Variants in CELSR2 observed in about 807,000 individuals in gnomAD.
CELSR2 encodes the protein EGF-like protein 2.
CELSR2 carries 81 observed loss-of-function variants against 251.6 expected under a neutral mutation model. That is an observed-to-expected ratio of 0.32 (90% confidence interval 0.27 to 0.39). CELSR2 has a LOEUF of 0.39. CELSR2 is among the 10% of genes least tolerant of loss of function. The pLI, the probability that CELSR2 is intolerant of heterozygous loss-of-function variation, is 1.00. For missense variants in CELSR2, 3,365 were observed against 3,947.7 expected (o/e 0.85, Z 3.96); for synonymous variants, 1,721 against 1,670.5 (o/e 1.03, Z -0.74).
chr1:109,268,386 G>A (rs1656266191), intron 17 of CELSR2, among the ~76,000 whole-genome samples, 195 bp from the exon 18 acceptor site: 1 of 152,246 alleles, frequency 6.6e-6, no homozygotes, highest in African/African-American at 2.4e-5. Context: ...GAATGAGGAG[G>A]AGGGCTTAGG....
At chr1:109,270,729 G>A in intron 24 of CELSR2, 129 bp downstream of exon 24, 2 of 1,256,274 alleles carry the variant, frequency 1.6e-6, no homozygotes, top group Non-Finnish European at 2.2e-6. Context: ...ATTCACAGGT[G>A]TCCCTCTGGT....
rs562893696 is a variant in CELSR2 at position 109,261,125 on chromosome 1, G to A, written c.4042G>A (p.Val1348Met). ...KNGGTCVNLL[V>M]GGFKCDCPSG... ...TGGGGGCACCTGTGTCAACCTGCTGGTGGGCGGTTTCAAGTGCGATTGCCC... is the reference window on the plus strand; with the variant it reads ...TGGGGGCACCTGTGTCAACCTGCTGATGGGCGGTTTCAAGTGCGATTGCCC... The change falls in exon 3 of 34, where the codon GTG (valine) becomes ATG (methionine). Residue 1348 changes from valine to methionine, a missense_variant. Val to Met is a conservative substitution (Grantham distance 21). Transcript: ENST00000271332. This position sits in a 1 kb window ranked among gnomAD's most constrained non-coding sequence, Gnocchi z 4.8. 32 of 1,614,156 alleles carry A rather than the reference G, an allele frequency of 2.0e-5. 1 individual carries two copies. The African/African-American group carries it at 3.9e-4, about 19-fold the overall frequency.
chr1:109,260,183 GA>G (rs1314017984), intron 2 of CELSR2, among the ~76,000 whole-genome samples: 78 of 133,576 alleles, frequency 5.8e-4, no homozygotes, highest in East Asian at 2.7e-3. Context: ...GGGGGGTTGG[GA>G]GGGGGGGGGT....
In CELSR2 at chr1:109,269,995, C is replaced by T. The variant is rs1387449528; in HGVS notation, c.7170C>T (p.Ala2390=). 1 of 1,613,992 alleles carries T rather than the reference C, an allele frequency of 6.2e-7. No individual in the cohort carries two copies. Among genetic ancestry groups the T allele is most frequent in the African/African-American group, 1.3e-5 (1 of 74,894 alleles). ...TGGCTCTAGGTGTCACCTTGGCTGC[C>T]CTTCTGCTCACCTTCTTCTTCCTCA... ...TYVALGVTLA[A]LLLTFFFLTL... Residue 2390 remains alanine (A), a synonymous_variant, in exon 23 of 34, where the codon GCC becomes GCT. Transcript: ENST00000271332. This position sits in a 1 kb window ranked among gnomAD's most constrained non-coding sequence, Gnocchi z 6.4.
chr1:109,273,449 G>T lies in CELSR2; in HGVS notation c.8523G>T (p.Lys2841Asn). 1.2e-6 allele frequency: 2 copies of T among 1,612,290 alleles called. No individual in the cohort carries two copies. Among genetic ancestry groups the T allele is most frequent in the East Asian group, 2.2e-5 (1 of 44,748 alleles). The change falls in exon 33 of 34, where the codon AAG (lysine) becomes AAT (asparagine). Residue 2841 changes from lysine to asparagine, a missense_variant. By Grantham distance (94) the Lys-to-Asn change is moderately conservative. Around this residue, in one of 5 missense-constraint regions of CELSR2, gnomAD observed 2,093 missense variants for 2,382.8 expected, o/e 0.88. Coordinates refer to ENST00000271332, the MANE Select transcript of CELSR2 (RefSeq NM_001408.3). Reference protein sequence around the residue: ...SAQPHKGILKKKCLPTISEKS... With the variant: ...SAQPHKGILKNKCLPTISEKS... The stretch of plus-strand genomic sequence containing the variant: ...CCCGGCCCACAGGCATCCTTAAGAA[G>T]AAGTGTCTGCCCACCATCAGCGAGA...
chr1:109,262,188 G>A, intron 5 of CELSR2, 99 bp from the exon 6 acceptor site: 1 of 1,502,126 alleles, frequency 6.7e-7, no homozygotes, highest in Non-Finnish European at 9.0e-7. Flanking sequence ...CGTGTGTCTG[G>A]GCATGTGGGT....
In CELSR2 at chr1:109,264,176, C is replaced by A; in HGVS notation, c.5100C>A (p.His1700Gln). The change falls in exon 10 of 34, where the codon CAC becomes CAA. Residue 1700 changes from histidine (H) to glutamine (Q), a missense_variant. This residue lies in a region of CELSR2 where 2,093 missense variants were observed against 2,382.8 expected (regional missense o/e 0.88). Coordinates refer to ENST00000271332, the MANE Select transcript of CELSR2 (RefSeq NM_001408.3). ...EPGRANDGDW[H>Q]HAQLALGASG... is the part of the protein sequence containing the mutation. ...GCCGGGCCAATGACGGTGACTGGCA[C>A]CATGCACAGCTGGCACTGGGAGCCA... 2 of 1,612,790 alleles carry A rather than the reference C, an allele frequency of 1.2e-6. No individual in the cohort carries two copies. Among genetic ancestry groups the A allele is most frequent in the Non-Finnish European group, 1.7e-6 (2 of 1,179,498 alleles).
At chr1:109,271,814 C>T in intron 28 of CELSR2, 92 bp downstream of exon 28, 7 of 1,465,996 alleles carry the variant, frequency 4.8e-6, no homozygotes, top group Non-Finnish European at 6.5e-6. Context: ...TCCCCTTTCT[C>T]TTTTCTCCAT....
intron 2 of CELSR2, among the ~76,000 whole-genome samples, chr1:109,260,204 C>A (rs537936533): frequency 6.7e-6 from 1 of 149,708 alleles, no homozygotes; most frequent in South Asian, 2.1e-4. Context: ...TTAGAGCAGG[C>A]GAACAACAGT....
rs137939915 is a variant in CELSR2 at position 109,266,485 on chromosome 1, C to T, written c.6013+279C>T. ...CTGGTGTGCAGTGGCGTGATCTCCG[C>T]TCGCTGCAACCTCTGCCTCCCAGGT... On this transcript the variant is annotated intron_variant, in intron 15 of 33. Coordinates refer to ENST00000271332, the MANE Select transcript of CELSR2 (RefSeq NM_001408.3). 6.8e-3 allele frequency: 2,168 copies of T among 317,992 alleles called. 13 individuals carry two copies. Among genetic ancestry groups the T allele is most frequent in the Non-Finnish European group, 9.0e-3 (1,577 of 174,384 alleles). The allele number at this position is 317,992 out of a possible 1,614,324, so 19.7% of individuals were successfully genotyped here.
rs1655937409 is a variant in CELSR2 at position 109,258,865 on chromosome 1, C to G, written c.3744C>G (p.Arg1248=). 1 of 1,612,488 alleles carries G rather than the reference C, an allele frequency of 6.2e-7. No homozygotes were observed. Among genetic ancestry groups the G allele is most frequent in the Middle Eastern group, 1.7e-4 (1 of 6,060 alleles). The change falls in exon 2 of 34, where the codon CGC becomes CGG. Residue 1248 remains arginine, a synonymous_variant. Coordinates refer to ENST00000271332, the MANE Select transcript of CELSR2 (RefSeq NM_001408.3). ...ENYMRCVSVL[R]FDSSAPFIAS... The stretch of plus-strand genomic sequence containing the variant: ...ACATGCGCTGCGTGTCGGTGCTGCG[C>G]TTCGACTCCTCCGCGCCCTTCATCG...
chr1:109,257,308 G>A (rs2101243729), intron 1 of CELSR2, among the ~76,000 whole-genome samples: 1 of 150,638 alleles, frequency 6.6e-6, no homozygotes, highest in South Asian at 2.1e-4. Flanking sequence ...AGCTATGATC[G>A]TGCCACTGCT....
In CELSR2 at chr1:109,252,394, A is replaced by C; in HGVS notation, c.2315A>C (p.Glu772Ala). The C allele has an allele frequency of 6.2e-7, 1 of 1,613,218 alleles. No homozygotes were observed. Among genetic ancestry groups the C allele is most frequent in the Non-Finnish European group, 8.5e-7 (1 of 1,180,024 alleles). ...ADTGAVTTQAELDYEDQVSYT... is the reference protein window; with the variant it reads ...ADTGAVTTQAALDYEDQVSYT... ...ACGGGGGCTGTCACCACCCAGGCTG[A>C]GCTGGACTATGAAGACCAAGTGTCT... The change falls in exon 1 of 34, where the codon GAG becomes GCG. Residue 772 changes from glutamate (E) to alanine (A), a missense_variant. Physicochemically the swap from Glu to Ala is moderately radical, Grantham distance 107. Coordinates refer to ENST00000271332, the MANE Select transcript of CELSR2 (RefSeq NM_001408.3). The surrounding 1 kb of genome is among the most constrained non-coding windows in gnomAD (Gnocchi z 4.8).
intron 2 of CELSR2, among the ~76,000 whole-genome samples, chr1:109,260,287 G>A (rs1655983097): frequency 1.3e-5 from 2 of 152,124 alleles, no homozygotes; most frequent in African/African-American, 2.4e-5. Flanking sequence ...GAATGGGGAG[G>A]GAGAGAAGGG....
intron 17 of CELSR2, 60 bp from the exon 18 acceptor site, chr1:109,268,521 C>A: frequency 6.5e-7 from 1 of 1,536,296 alleles, no homozygotes; most frequent in East Asian, 2.3e-5. Flanking sequence ...GCCGGGGCTC[C>A]ATGGTGGGGA....
In CELSR2 at chr1:109,273,218, A is replaced by G; in HGVS notation, c.8391A>G (p.Thr2797=). 6.2e-7 allele frequency: 1 copy of G among 1,613,632 alleles called. No individual in the cohort carries two copies. The highest frequency in any genetic ancestry group is 8.5e-7 in the Non-Finnish European group (1 of 1,179,846). Residue 2797 remains threonine, a synonymous_variant, in exon 32 of 34, where the codon ACA becomes ACG. Coordinates refer to ENST00000271332, the MANE Select transcript of CELSR2 (RefSeq NM_001408.3). ...KAPWPGDFGT[T]AKESSGNGAP... Reference sequence around the variant, plus strand: ...CCTGGCCAGGAGACTTTGGGACCACAGCAAAAGAGAGTAGTGGCAACGGGG... The same window carrying G: ...CCTGGCCAGGAGACTTTGGGACCACGGCAAAAGAGAGTAGTGGCAACGGGG...
chr1:109,263,651 G>A lies in CELSR2; in HGVS notation c.4875G>A (p.Val1625=), dbSNP rs758661208. 4 of 1,613,940 alleles carry A rather than the reference G, an allele frequency of 2.5e-6. No homozygotes were observed. Among genetic ancestry groups the A allele is most frequent in the Admixed American group, 1.7e-5 (1 of 60,000 alleles). Residue 1625 remains valine, a synonymous_variant, in exon 9 of 34, where the codon GTG becomes GTA. Transcript: ENST00000271332. Reference sequence around the variant, plus strand: ...AGCACTTCCTGGGCAGCAGCCTGGTGGCCTGGCATGGCCTCTCGCTGCCCA... The same window carrying A: ...AGCACTTCCTGGGCAGCAGCCTGGTAGCCTGGCATGGCCTCTCGCTGCCCA... ...NPQHFLGSSL[V]AWHGLSLPIS... is the part of the protein sequence containing the mutation.
intron 1 of CELSR2, among the ~76,000 whole-genome samples, chr1:109,255,308 C>T (rs1289843266): frequency 6.6e-6 from 1 of 152,208 alleles, no homozygotes; most frequent in African/African-American, 2.4e-5. Context: ...CTCCGGTGCC[C>T]TCTCCCTGCT....
In CELSR2 at chr1:109,268,000, C is replaced by T; in HGVS notation, c.6258C>T (p.Ala2086=). 6.2e-7 allele frequency: 1 copy of T among 1,610,148 alleles called. No individual in the cohort carries two copies. Among genetic ancestry groups the T allele is most frequent in the Non-Finnish European group, 8.5e-7 (1 of 1,179,572 alleles). The change falls in exon 17 of 34, where the codon GCC becomes GCT. Residue 2086 remains alanine (A), a synonymous_variant. Coordinates refer to ENST00000271332, the MANE Select transcript of CELSR2 (RefSeq NM_001408.3). ...VAYQLATRLL[A]HESTQRGFGL... Reference sequence around the variant, plus strand: ...ACCAGCTGGCCACGCGGCTGCTGGCCCACGAGAGCACCCAGCGGGGCTTTG... The same window carrying T: ...ACCAGCTGGCCACGCGGCTGCTGGCTCACGAGAGCACCCAGCGGGGCTTTG...
Sources: allele counts gnomAD v4.1 joint callset (sites outside exome capture counted in the v4.1 genomes callset), GRCh38; gene constraint gnomAD v4.1.1; regional missense constraint gnomAD v4.1.1; non-coding constraint Gnocchi (gnomAD v3.1); transcripts MANE v1.5; gene names NCBI Gene and HGNC (gene_info 2026-07-23, HGNC 2026-07-21).